The following C12orf54 variants were observed in gnomAD, a reference collection of about 807,000 sequenced individuals.
The protein encoded by C12orf54 is chromosome 12 open reading frame 54, also known as uncharacterized protein C12orf54.
Under a neutral mutation model 26.4 loss-of-function variants are expected in C12orf54, and 24 were observed. The observed-to-expected ratio is 0.91, with a 90% CI of 0.66 to 1.28. The LOEUF is 1.28. Ranked by LOEUF, C12orf54 falls within the 50% of genes most tolerant of loss-of-function variation. The pLI, the probability that C12orf54 is intolerant of heterozygous loss-of-function variation, is 0.00. For synonymous variants in C12orf54, 54 were observed against 47.0 expected, an observed-to-expected ratio of 1.15 and a Z score of -0.61; for missense variants, 154 against 150.9, an observed-to-expected ratio of 1.02 and a Z score of -0.11.
At chr12:48,435,911 A>ATAT in the C12orf54 span, among the ~76,000 whole-genome samples, 1 of 152,076 alleles carries the variant, frequency 6.6e-6, no homozygotes, top group Non-Finnish European at 1.5e-5. Context: ...AATAATAATA[A>ATAT]TAATGTTAAA....
chr12:48,496,344 T>C lies in C12orf54; in HGVS notation c.*204T>C, dbSNP rs1014465855. 2.6e-5 allele frequency: 4 copies of C among 152,626 alleles called. No individual in the cohort carries two copies. In the East Asian group the frequency reaches 7.7e-4, roughly 29 times the overall value. The allele number at this position is 152,626 out of a possible 1,614,324, so 9.5% of individuals were successfully genotyped here. On this transcript the variant is annotated 3_prime_UTR_variant, in exon 9 of 9. Transcript: ENST00000548364. ...CAACTGCCAAAGCAAGGAAACCAGC[T>C]TGGTTTGGCAAACAGCTGATGAAAT...
chr12:48,494,075 T>C (rs79608983), intron 7 of C12orf54, among the ~76,000 whole-genome samples: 3,812 of 56,392 alleles, frequency 0.068, 802 homozygotes, highest in East Asian at 0.51. Context: ...AAAAATTAGC[T>C]GGGCGTGGTG....
At chr12:48,470,222 T>C in the C12orf54 span, among the ~76,000 whole-genome samples, 2 of 152,232 alleles carry the variant, frequency 1.3e-5, no homozygotes, top group Non-Finnish European at 2.9e-5. Flanking sequence ...GTAATGGAAC[T>C]GGTGGATCAA....
the C12orf54 span, among the ~76,000 whole-genome samples, chr12:48,414,084 G>A: frequency 1.3e-5 from 2 of 152,300 alleles, no homozygotes; most frequent in East Asian, 1.9e-4. Flanking sequence ...TTGATAAAGC[G>A]ACAAACTGTT....
the C12orf54 span, among the ~76,000 whole-genome samples, chr12:48,433,801 T>C: frequency 3.7e-4 from 56 of 152,120 alleles, 1 homozygote; most frequent in East Asian, 0.011. Context: ...GATGGCCAAA[T>C]AGGAACAGCT....
the C12orf54 span, among the ~76,000 whole-genome samples, chr12:48,437,867 A>G: frequency 5.3e-5 from 8 of 151,792 alleles, no homozygotes; most frequent in Non-Finnish European, 7.4e-5. Context: ...CTCTCTCACC[A>G]CTCCTATTCA....
the C12orf54 span, among the ~76,000 whole-genome samples, chr12:48,437,747 G>T: frequency 7.2e-5 from 11 of 152,162 alleles, no homozygotes; most frequent in East Asian, 1.9e-3. Flanking sequence ...TTGATGGGAC[G>T]TATCTCAAAA....
the C12orf54 span, among the ~76,000 whole-genome samples, chr12:48,452,808 A>G: frequency 1.3e-5 from 2 of 152,232 alleles, no homozygotes; most frequent in Non-Finnish European, 2.9e-5. Flanking sequence ...ATGAAATACC[A>G]TCTCACACCA....
the C12orf54 span, among the ~76,000 whole-genome samples, chr12:48,474,316 GA>G: frequency 3.7e-3 from 567 of 152,320 alleles, 5 homozygotes; most frequent in African/African-American, 0.012. Flanking sequence ...CAGCATGAGC[GA>G]TACAGAAGAC....
the C12orf54 span, among the ~76,000 whole-genome samples, chr12:48,460,858 A>C: frequency 9.2e-5 from 14 of 152,116 alleles, no homozygotes; most frequent in African/African-American, 3.4e-4. Flanking sequence ...AGATGCAGGA[A>C]AAACAGGAAC....
the C12orf54 span, among the ~76,000 whole-genome samples, chr12:48,452,637 G>T: frequency 2.0e-5 from 3 of 150,850 alleles, no homozygotes; most frequent in East Asian, 6.0e-4. Flanking sequence ...CATTTATAAG[G>T]AACTTAAACA....
intron 1 of C12orf54, 134 bp downstream of exon 1, chr12:48,482,710 T>C: frequency 6.6e-6 from 1 of 152,310 alleles, no homozygotes; most frequent in Non-Finnish European, 1.5e-5. Flanking sequence ...CTATGAGCCC[T>C]TCTTCTCTAC....
the C12orf54 span, among the ~76,000 whole-genome samples, chr12:48,427,919 G>T: frequency 6.6e-6 from 1 of 151,840 alleles, no homozygotes; most frequent in African/African-American, 2.4e-5. Context: ...CATATGATAG[G>T]CCACAAAACA....
intron 5 of C12orf54, 73 bp downstream of exon 5, chr12:48,489,029 T>C (rs1330207725): frequency 7.1e-7 from 1 of 1,409,892 alleles, no homozygotes. Context: ...TTTCTTACCC[T>C]ACTGAGATGT....
the C12orf54 span, among the ~76,000 whole-genome samples, chr12:48,437,564 G>A: frequency 6.6e-6 from 1 of 152,122 alleles, no homozygotes; most frequent in Non-Finnish European, 1.5e-5. Flanking sequence ...TGATCAAGTG[G>A]GCTTCATGCC....
chr12:48,447,828 C>T, the C12orf54 span, among the ~76,000 whole-genome samples: 455 of 152,260 alleles, frequency 3.0e-3, 1 homozygote, highest in Non-Finnish European at 4.0e-3. Context: ...CTAATCTAAT[C>T]ACATGAGTTT....
At chr12:48,492,226 T>C (rs1937804728) in intron 6 of C12orf54, among the ~76,000 whole-genome samples, 1 of 152,140 alleles carries the variant, frequency 6.6e-6, no homozygotes, top group African/African-American at 2.4e-5. Flanking sequence ...TTGGGGATCT[T>C]TAAATACAGA....
intron 6 of C12orf54, among the ~76,000 whole-genome samples, chr12:48,492,238 A>C (rs1316174588): frequency 6.6e-6 from 1 of 152,150 alleles, no homozygotes; most frequent in African/African-American, 2.4e-5. Flanking sequence ...AAATACAGAC[A>C]TTCCCAGAGA....
chr12:48,416,329 G>A, the C12orf54 span, among the ~76,000 whole-genome samples: 1 of 152,110 alleles, frequency 6.6e-6, no homozygotes, highest in East Asian at 1.9e-4. Flanking sequence ...TTTACCCATC[G>A]CTTGCTGAGC....
Sources: gnomAD v4.1 joint callset for allele counts (sites outside exome capture counted in the v4.1 genomes callset) on GRCh38, gnomAD v4.1.1 for gene constraint, MANE v1.5 for transcripts, NCBI Gene and HGNC (gene_info 2026-07-23, HGNC 2026-07-21) for gene names.